IKBIP: variants seen among roughly 807,000 people sequenced by gnomAD.
IKBIP encodes inhibitor of nuclear factor kappa-B kinase-interacting protein.
IKBIP carries 28 observed loss-of-function variants against 31.0 expected under a neutral mutation model. That is an observed-to-expected ratio of 0.90 (90% CI 0.67 to 1.24). The LOEUF is 1.24. Among genes scored for constraint, IKBIP ranks in the 50% most tolerant of loss-of-function variants. The probability of loss-of-function intolerance (pLI) is 0.00; values close to 1 mark genes in which losing one functional copy is unlikely to be tolerated. For synonymous variants in IKBIP, 164 were observed against 160.3 expected (o/e 1.02, Z -0.17); for missense variants, 453 against 441.9 (o/e 1.03, Z -0.23).
At chr12:98,633,495 CTTTTTTTTTTAATTCT>C (rs1295663552) in intron 2 of IKBIP, among the ~76,000 whole-genome samples, 1 of 94,176 alleles carries the variant, frequency 1.1e-5, no homozygotes, top group African/African-American at 3.8e-5. Flanking sequence ...GCTAGCCGTT[CTTTTTTTTTTAATTCT>C]TTTTTTTTTT....
chr12:98,618,262 C>A (rs78225067), intron 2 of IKBIP, among the ~76,000 whole-genome samples: 4,234 of 152,134 alleles, frequency 0.028, 141 homozygotes, highest in African/African-American at 0.08. Context: ...GCAGTTTAAT[C>A]TAAAGATATC....
At chr12:98,642,522 C>G (rs1007681009) in intron 1 of IKBIP, among the ~76,000 whole-genome samples, 2 of 149,400 alleles carry the variant, frequency 1.3e-5, no homozygotes, top group Non-Finnish European at 3.0e-5. Flanking sequence ...TTATTTAAAA[C>G]AGTAAATTCA....
chr12:98,617,117 A>C (rs2097606711), intron 2 of IKBIP, among the ~76,000 whole-genome samples: 1 of 152,246 alleles, frequency 6.6e-6, no homozygotes, highest in African/African-American at 2.4e-5. Context: ...TCAAATTCTC[A>C]AGTTCCTAGT....
At chr12:98,634,733 G>A (rs2097624204) in intron 1 of IKBIP, among the ~76,000 whole-genome samples, 1 of 141,990 alleles carries the variant, frequency 7.0e-6, no homozygotes, top group African/African-American at 2.6e-5. Context: ...TTTTTGAGAT[G>A]GAGTCTCACT....
At chr12:98,630,482 G>A (rs990571535) in intron 2 of IKBIP, among the ~76,000 whole-genome samples, 1 of 144,148 alleles carries the variant, frequency 6.9e-6, no homozygotes, top group Admixed American at 7.1e-5. Context: ...CTCACTTAAC[G>A]TCATTGGTAG....
chr12:98,637,173 GT>G (rs947372067), intron 1 of IKBIP, among the ~76,000 whole-genome samples: 1 of 151,704 alleles, frequency 6.6e-6, no homozygotes, highest in South Asian at 2.1e-4. Flanking sequence ...ATAATTAGTA[GT>G]TTTTTTTGAT....
At chr12:98,622,073 T>A (rs2097610587), downstream of IKBIP, among the ~76,000 whole-genome samples, 1 of 114,838 alleles carries the variant, frequency 8.7e-6, no homozygotes. Flanking sequence ...AGACTCCATC[T>A]TAAAAAAAAA....
chr12:98,615,790 T>C (rs1441162740), intron 2 of IKBIP, among the ~76,000 whole-genome samples: 1 of 152,212 alleles, frequency 6.6e-6, no homozygotes, highest in Non-Finnish European at 1.5e-5. Context: ...CTTAGCATAA[T>C]ATCGTTTAGG....
In IKBIP at chr12:98,613,736, A is replaced by T; in HGVS notation, c.902T>A (p.Leu301Ter). Residue 301 changes from leucine (L) to a stop codon, truncating the protein, a stop_gained, in exon 3 of 3, where the codon TTA becomes TAA. Coordinates refer to the IKBIP transcript ENST00000342502. LOFTEE classifies it high-confidence loss of function. ...AACCAATCTCCCAATGCGTAGTGTT[A>T]AATCATTTACTAATGGTTCTAAACG... 1 of 1,612,890 alleles carries T rather than the reference A, an allele frequency of 6.2e-7. No homozygotes were observed. Among genetic ancestry groups the T allele is most frequent in the South Asian group, 1.1e-5 (1 of 90,676 alleles).
chr12:98,627,205 G>C (rs2097615339), intron 2 of IKBIP, among the ~76,000 whole-genome samples: 1 of 151,280 alleles, frequency 6.6e-6, no homozygotes, highest in South Asian at 2.1e-4. Flanking sequence ...TTGACCTTTA[G>C]TGATCCGTCT....
intron 2 of IKBIP, among the ~76,000 whole-genome samples, chr12:98,633,238 A>C (rs2097622690): frequency 6.6e-6 from 1 of 152,142 alleles, no homozygotes; most frequent in Non-Finnish European, 1.5e-5. Context: ...CATATTTCCC[A>C]ATGATAGCTT....
intron 1 of IKBIP, among the ~76,000 whole-genome samples, chr12:98,637,588 T>C (rs1046545825): frequency 1.3e-5 from 2 of 152,060 alleles, no homozygotes; most frequent in African/African-American, 2.4e-5. Context: ...TTTGTATTTT[T>C]AGTAGAGATG....
At chr12:98,642,047 T>G (rs749146210) in intron 1 of IKBIP, among the ~76,000 whole-genome samples, 1 of 152,210 alleles carries the variant, frequency 6.6e-6, no homozygotes, top group African/African-American at 2.4e-5. Context: ...TTCATTACAA[T>G]GTAATACAGG....
At chr12:98,628,611 ACATATTTGCCT>A (rs2097617002) in intron 2 of IKBIP, among the ~76,000 whole-genome samples, 1 of 152,206 alleles carries the variant, frequency 6.6e-6, no homozygotes, top group African/African-American at 2.4e-5. Context: ...TATATTTGCC[ACATATTTGCCT>A]CTTAGCACAT....
Position 98,624,829 on chromosome 12 carries a change from G to C in IKBIP, c.*1101C>G. On this transcript the variant is annotated 3_prime_UTR_variant, in exon 3 of 3. Transcript: ENST00000299157. Reference sequence around the variant, plus strand: ...ATTTATTTATTTATTTATTGAGACAGAGTCTCACTTTGCCACTCAGGCTGG... The same window carrying C: ...ATTTATTTATTTATTTATTGAGACACAGTCTCACTTTGCCACTCAGGCTGG... The C allele has an allele frequency of 4.1e-6, 3 of 737,778 alleles. No individual in the cohort carries two copies. The highest frequency in any genetic ancestry group is 5.0e-6 in the Non-Finnish European group (3 of 604,184). The allele number at this position is 737,778 out of a possible 1,614,324, so 45.7% of individuals were successfully genotyped here.
In IKBIP at chr12:98,644,719, C is replaced by T. The variant is rs1279353353; in HGVS notation, c.-18G>A. 6.3e-7 allele frequency: 1 copy of T among 1,597,132 alleles called. No individual in the cohort carries two copies. Among genetic ancestry groups the T allele is most frequent in the Non-Finnish European group, 8.5e-7 (1 of 1,175,030 alleles). On this transcript the variant is annotated 5_prime_UTR_variant, in exon 1 of 3. Transcript: ENST00000299157. ...TCAGACATGTCTGGAGACCCTAGGA[C>T]GACAAGCCCAGGGCAGCTTCTTCAC...
At chr12:98,619,123 T>C (rs556818233) in intron 2 of IKBIP, among the ~76,000 whole-genome samples, 2 of 152,356 alleles carry the variant, frequency 1.3e-5, no homozygotes, top group African/African-American at 2.4e-5. Flanking sequence ...GAAATGTTCC[T>C]GTGGGTATGA....
At chr12:98,644,460 G>C in intron 1 of IKBIP, 63 bp downstream of exon 1, 2 of 1,470,918 alleles carry the variant, frequency 1.4e-6, no homozygotes, top group Non-Finnish European at 1.8e-6. Flanking sequence ...GTTGAGCCGG[G>C]TGGGAGCCCA....
intron 2 of IKBIP, among the ~76,000 whole-genome samples, chr12:98,631,353 TC>T (rs2097620035): frequency 6.6e-6 from 1 of 151,746 alleles, no homozygotes; most frequent in Non-Finnish European, 1.5e-5. Context: ...CAATCTCGGC[TC>T]ACTGTGACCT....
Sources: allele counts gnomAD v4.1 joint callset (sites outside exome capture counted in the v4.1 genomes callset), GRCh38; gene constraint gnomAD v4.1.1; transcripts MANE v1.5; gene names NCBI Gene and HGNC (gene_info 2026-07-23, HGNC 2026-07-21).